LIPA: variants seen among roughly 807,000 people sequenced by gnomAD.
LIPA encodes lysosomal acid lipase/cholesteryl ester hydrolase.
In LIPA, 26 loss-of-function variants were observed where a neutral mutation model predicts 40.6. The observed-to-expected ratio is 0.64, with a 90% CI of 0.47 to 0.89. LIPA has a LOEUF of 0.89. Ranked by LOEUF, LIPA falls within the 40% of genes least tolerant of loss-of-function variation. The pLI is 0.00. For synonymous variants in LIPA, 188 were observed against 168.4 expected (o/e 1.12, Z -0.90); for missense variants, 455 against 479.6 (o/e 0.95, Z 0.48).
chr10:89,293,744 T>C (rs1438982074), intron 1 of LIPA: 2 of 151,952 alleles, frequency 1.3e-5, no homozygotes, highest in Non-Finnish European at 2.9e-5. Context: ...TTTCTTCTTG[T>C]TTGTATGAAG....
chr10:89,401,908 C>T (rs1413299737), intron 2 of LIPA, among the ~76,000 whole-genome samples: 2 of 152,132 alleles, frequency 1.3e-5, no homozygotes, highest in Non-Finnish European at 2.9e-5. Context: ...TCTAACTGAC[C>T]TCTGTCCTAA....
At chr10:89,414,487 A>C in exon 1 of LIPA, 1 of 353,918 alleles carries the variant, frequency 2.8e-6, no homozygotes, top group African/African-American at 2.1e-5. Context: ...GGACTCCGCA[A>C]ACGTCTGGCC....
intron 1 of LIPA, among the ~76,000 whole-genome samples, chr10:89,311,429 T>C (rs367810724): frequency 6.8e-6 from 1 of 147,678 alleles, no homozygotes; most frequent in East Asian, 2.0e-4. Context: ...ACTCAGGAGG[T>C]TGAGGCAGGA....
At chr10:89,309,029 C>T (rs1278728658) in intron 1 of LIPA, 3 of 152,150 alleles carry the variant, frequency 2.0e-5, no homozygotes, top group African/African-American at 4.8e-5. Flanking sequence ...CAAATAACCT[C>T]GACTGGTCTA....
intron 1 of LIPA, among the ~76,000 whole-genome samples, chr10:89,326,817 A>G (rs1367653489): frequency 6.6e-6 from 1 of 152,266 alleles, no homozygotes; most frequent in Admixed American, 6.5e-5. Flanking sequence ...AAAAAAAGTC[A>G]AACTCTGTAA....
At chr10:89,324,520 G>A (rs113647673) in intron 1 of LIPA, among the ~76,000 whole-genome samples, 4,611 of 152,090 alleles carry the variant, frequency 0.03, 251 homozygotes, top group African/African-American at 0.11. Flanking sequence ...ATTGACAAAC[G>A]GGACCTAATT....
chr10:89,336,042 G>A (rs1392031089), intron 1 of LIPA, among the ~76,000 whole-genome samples: 4 of 151,952 alleles, frequency 2.6e-5, no homozygotes, highest in Non-Finnish European at 5.9e-5. Flanking sequence ...TTGGTATGTC[G>A]AGGCAGAAGG....
intron 1 of LIPA, among the ~76,000 whole-genome samples, chr10:89,274,926 A>G (rs889179084): frequency 1.3e-5 from 2 of 152,208 alleles, no homozygotes; most frequent in Non-Finnish European, 2.9e-5. Flanking sequence ...GAAGTCAAGA[A>G]TGCATTTTAT....
At chr10:89,220,349 T>C (rs1007011958) in intron 8 of LIPA, among the ~76,000 whole-genome samples, 2 of 152,262 alleles carry the variant, frequency 1.3e-5, no homozygotes, top group South Asian at 2.1e-4. Context: ...GTGACAGACA[T>C]TGGGCCTTTT....
intron 2 of LIPA, chr10:89,403,003 C>T (rs1844461119): frequency 6.2e-7 from 1 of 1,614,072 alleles, no homozygotes; most frequent in Admixed American, 1.7e-5. Flanking sequence ...ATTGAAGAAG[C>T]TCTAGCCAAC....
chr10:89,274,015 C>T (rs534261008), intron 1 of LIPA, among the ~76,000 whole-genome samples: 5 of 152,310 alleles, frequency 3.3e-5, no homozygotes, highest in South Asian at 4.1e-4. Flanking sequence ...TACTATTTAG[C>T]TCTTAACAGA....
chr10:89,394,610 ATATATATATATATATAT>A (rs1844312584), intron 2 of LIPA, among the ~76,000 whole-genome samples: 2 of 19,726 alleles, frequency 1.0e-4, no homozygotes, highest in Admixed American at 4.3e-4. Context: ...ATATATATAT[ATATATATATATATATAT>A]AAAACTTGAA....
chr10:89,299,835 A>C (rs1474835299), intron 1 of LIPA, among the ~76,000 whole-genome samples: 3 of 152,234 alleles, frequency 2.0e-5, no homozygotes, highest in Non-Finnish European at 4.4e-5. Context: ...AAATTAGTAC[A>C]GTCATTATGG....
intron 8 of LIPA, among the ~76,000 whole-genome samples, chr10:89,218,558 C>A (rs768673833): frequency 1.3e-5 from 2 of 152,216 alleles, no homozygotes; most frequent in African/African-American, 2.4e-5. Context: ...CTCCTGCGAG[C>A]AGCCAGGCTA....
At chr10:89,307,337 A>G (rs777500247) in intron 1 of LIPA, 2 of 1,610,018 alleles carry the variant, frequency 1.2e-6, no homozygotes, top group South Asian at 2.2e-5. Context: ...GGAGTCTGGA[A>G]GCCTCATCCC....
chr10:89,252,180 G>A (rs1564768645), upstream of LIPA: 1 of 152,182 alleles, frequency 6.6e-6, no homozygotes, highest in African/African-American at 2.4e-5. Context: ...AGTGAATCAT[G>A]GGCTCCATTT....
At chr10:89,292,851 G>T (rs1053756409) in intron 1 of LIPA, among the ~76,000 whole-genome samples, 2 of 150,490 alleles carry the variant, frequency 1.3e-5, no homozygotes, top group African/African-American at 2.4e-5. Context: ...GTCTTGCTAT[G>T]TTGCCCAGAC....
chr10:89,334,153 G>GTAA (rs1405694573), intron 1 of LIPA, among the ~76,000 whole-genome samples: 11 of 152,220 alleles, frequency 7.2e-5, no homozygotes, highest in African/African-American at 2.7e-4. Flanking sequence ...TTCTACTCTA[G>GTAA]TAATAGCTTT....
chr10:89,374,912 A>C (rs747288676), intron 2 of LIPA, among the ~76,000 whole-genome samples: 3 of 152,144 alleles, frequency 2.0e-5, no homozygotes, highest in Admixed American at 6.5e-5. Context: ...TGAGATGGGA[A>C]TATGTAGATT....
Sources: gnomAD v4.1 joint callset for allele counts (sites outside exome capture counted in the v4.1 genomes callset) on GRCh38, gnomAD v4.1.1 for gene constraint, MANE v1.5 for transcripts, NCBI Gene and HGNC (gene_info 2026-07-23, HGNC 2026-07-21) for gene names.